FOXP2: variants seen among roughly 807,000 people sequenced by gnomAD.
The protein encoded by FOXP2 is forkhead box protein P2.
FOXP2 carries 12 observed loss-of-function variants against 115.8 expected under a neutral mutation model. The ratio of observed to expected loss-of-function variants is 0.10; its 90% CI spans 0.07 to 0.17. FOXP2 has a LOEUF of 0.17. Ranked by LOEUF, FOXP2 falls within the 10% of genes least tolerant of loss-of-function variation. The pLI, the probability that FOXP2 is intolerant of heterozygous loss-of-function variation, is 1.00. For missense variants in FOXP2, 629 were observed against 843.5 expected, an observed-to-expected ratio of 0.75 and a Z score of 3.15; for synonymous variants, 328 against 297.7, an observed-to-expected ratio of 1.10 and a Z score of -1.05.
chr7:114,171,570 T>C (rs1054028137), intron 1 of FOXP2, among the ~76,000 whole-genome samples: 5 of 152,132 alleles, frequency 3.3e-5, no homozygotes, highest in African/African-American at 1.2e-4. Flanking sequence ...AGACTGTCTC[T>C]AAAAATAAGA....
At chr7:114,162,904 C>G (rs188946625), upstream of FOXP2, 1 of 151,798 alleles carries the variant, frequency 6.6e-6, no homozygotes, top group Non-Finnish European at 1.5e-5. Flanking sequence ...AAAACTGATG[C>G]GTTTTGTAAT....
At chr7:114,559,804 G>A (rs1282954711) in intron 3 of FOXP2, among the ~76,000 whole-genome samples, 2 of 151,856 alleles carry the variant, frequency 1.3e-5, no homozygotes, top group Non-Finnish European at 2.9e-5. Flanking sequence ...CAGGAGAATG[G>A]CGTGAACCTG....
At chr7:114,559,367 C>T (rs1800639108) in intron 3 of FOXP2, among the ~76,000 whole-genome samples, 1 of 152,010 alleles carries the variant, frequency 6.6e-6, no homozygotes, top group Non-Finnish European at 1.5e-5. Flanking sequence ...TCAGCCTTAC[C>T]TATCTGTGGA....
intron 1 of FOXP2, among the ~76,000 whole-genome samples, chr7:114,107,126 T>C (rs140455321): frequency 3.8e-4 from 58 of 152,124 alleles, no homozygotes; most frequent in African/African-American, 1.2e-3. Context: ...TGCTCTCCTG[T>C]TCTGAGGACC....
intron 2 of FOXP2, among the ~76,000 whole-genome samples, chr7:114,474,484 G>A (rs1228408115): frequency 1.3e-5 from 2 of 152,118 alleles, no homozygotes; most frequent in African/African-American, 2.4e-5. Context: ...CTCTCATAGA[G>A]CTATTATTCT....
rs956485031 is a variant in FOXP2 at position 114,661,117 on chromosome 7, TAGAA to T, written c.1648-942_1648-939del. Among the ~76,000 whole-genome samples, 26 of 150,820 alleles carry T rather than the reference TAGAA, an allele frequency of 1.7e-4. No individual in the cohort carries two copies. In the Admixed American group the frequency reaches 1.7e-3, roughly 10 times the overall value. On this transcript the variant is annotated intron_variant, in intron 13 of 16. Transcript: ENST00000350908. ...TAGAAGCAGCTTGTCTTTGTGCAAA[TAGAA>T]AGAAATCTTCATCAAAATTACTTTG... is the stretch of plus-strand genomic sequence containing the variant.
chr7:114,225,734 T>G (rs1013917679), intron 1 of FOXP2, among the ~76,000 whole-genome samples: 1 of 152,196 alleles, frequency 6.6e-6, no homozygotes, highest in South Asian at 2.1e-4. Flanking sequence ...ATTTCAGGTG[T>G]GAGACACTGT....
chr7:114,417,167 T>A (rs1427949254), intron 1 of FOXP2, among the ~76,000 whole-genome samples: 4 of 151,980 alleles, frequency 2.6e-5, no homozygotes, highest in African/African-American at 4.8e-5. Context: ...TTGTGATTAG[T>A]TGATAGAGAG....
At chr7:114,151,058 C>T (rs886678793) in intron 1 of FOXP2, among the ~76,000 whole-genome samples, 2 of 151,818 alleles carry the variant, frequency 1.3e-5, no homozygotes, top group African/African-American at 2.4e-5. Context: ...AAATGGCCAC[C>T]GAATACCATT....
intron 1 of FOXP2, among the ~76,000 whole-genome samples, chr7:114,111,875 G>A (rs1791276002): frequency 6.6e-6 from 1 of 151,892 alleles, no homozygotes; most frequent in Non-Finnish European, 1.5e-5. Context: ...CCTTAAGAGA[G>A]GAGAGATTTG....
At chr7:114,677,178 A>AC (rs1205957951) in intron 16 of FOXP2, among the ~76,000 whole-genome samples, 4 of 139,356 alleles carry the variant, frequency 2.9e-5, no homozygotes, top group Non-Finnish European at 3.3e-5. Flanking sequence ...AAAACAAAAA[A>AC]AAAAAAAACA....
intron 2 of FOXP2, among the ~76,000 whole-genome samples, chr7:114,398,859 T>G (rs577699493): frequency 9.2e-5 from 14 of 152,226 alleles, no homozygotes; most frequent in Non-Finnish European, 1.9e-4. Context: ...AGTAGCTATC[T>G]CTAAGCTGTT....
chr7:114,332,317 CA>C (rs936866423), intron 2 of FOXP2, among the ~76,000 whole-genome samples: 22 of 152,144 alleles, frequency 1.4e-4, no homozygotes, highest in African/African-American at 4.3e-4. Context: ...AAGCATAATT[CA>C]GTTGTTTTCT....
At chr7:114,136,759 T>C (rs1395187889) in intron 1 of FOXP2, among the ~76,000 whole-genome samples, 3 of 152,042 alleles carry the variant, frequency 2.0e-5, no homozygotes, top group African/African-American at 7.2e-5. Context: ...AATGAATTAT[T>C]CATGACTAAC....
At chr7:114,506,647 C>T (rs1797831093) in intron 2 of FOXP2, among the ~76,000 whole-genome samples, 1 of 151,504 alleles carries the variant, frequency 6.6e-6, no homozygotes. Context: ...AGTCAGATTT[C>T]TTGAAGATGT....
At chr7:114,610,309 C>T (rs969382688) in intron 3 of FOXP2, among the ~76,000 whole-genome samples, 1 of 152,046 alleles carries the variant, frequency 6.6e-6, no homozygotes, top group African/African-American at 2.4e-5. Context: ...AATGGTAAAA[C>T]TGATTTCAAA....
chr7:114,281,030 G>A (rs1364576532), intron 1 of FOXP2, among the ~76,000 whole-genome samples: 1 of 150,944 alleles, frequency 6.6e-6, no homozygotes, highest in Non-Finnish European at 1.5e-5. Context: ...TCATAAACTT[G>A]GTATATAACA....
chr7:114,341,667 T>G (rs1266088228), intron 2 of FOXP2, among the ~76,000 whole-genome samples: 1 of 151,400 alleles, frequency 6.6e-6, no homozygotes, highest in Non-Finnish European at 1.5e-5. Context: ...TTTCTTTCAC[T>G]GGAGAACTTC....
At position 114,275,878 on chromosome 7, in the gene FOXP2, G is replaced by T. The variant is rs566708025; in HGVS notation, c.-101-12141G>T. On this transcript the variant is annotated intron_variant, in intron 1 of 17. Coordinates refer to the FOXP2 transcript ENST00000634411. ...TAGGATTAGGCCTCAGTCTTTTAGT[G>T]AGCTTATGACTTTTGATTGTGAACT... Among the ~76,000 whole-genome samples the T allele has an allele frequency of 5.9e-5, 9 of 152,262 alleles. No homozygotes were observed. The South Asian group carries it at 1.7e-3, about 28-fold the overall frequency.
Sources: gnomAD v4.1 joint callset for allele counts (sites outside exome capture counted in the v4.1 genomes callset) on GRCh38, gnomAD v4.1.1 for gene constraint, MANE v1.5 for transcripts, NCBI Gene and HGNC (gene_info 2026-07-23, HGNC 2026-07-21) for gene names.